TRIM42: variants seen among roughly 807,000 people sequenced by gnomAD.
The protein encoded by TRIM42 is tripartite motif-containing protein 42.
A neutral mutation model predicts 64.9 loss-of-function variants in TRIM42; 59 were observed. That is an observed-to-expected ratio of 0.91 (90% confidence interval 0.74 to 1.13). TRIM42 has a LOEUF of 1.13. Among genes scored for constraint, TRIM42 ranks in the 50% most tolerant of loss-of-function variants. TRIM42 has a pLI of 0.00. For synonymous variants in TRIM42, 354 were observed against 346.3 expected (o/e 1.02, Z -0.25); for missense variants, 878 against 929.5 (o/e 0.94, Z 0.72).
At chr3:140,682,312 T>C in intron 1 of TRIM42, 150 bp from the exon 2 acceptor site, 3 of 701,966 alleles carry the variant, frequency 4.3e-6, no homozygotes, top group Non-Finnish European at 4.7e-6. Flanking sequence ...TGGAGACAGA[T>C]TGAGAACGCA....
At position 140,700,121 on chromosome 3, in the gene TRIM42, T is replaced by C. The variant is rs555531606; in HGVS notation, c.2086-767T>C. Among the ~76,000 whole-genome samples, 3 of 152,234 alleles carry C rather than the reference T, an allele frequency of 2.0e-5. No homozygotes were observed. The South Asian group carries it at 6.2e-4, about 32-fold the overall frequency. ...TAAATATTTATTTGGGGGGAAGGAATGGGAATGCTGCCAGACCACAGTAGT... is the reference window on the plus strand; with the variant it reads ...TAAATATTTATTTGGGGGGAAGGAACGGGAATGCTGCCAGACCACAGTAGT... On this transcript the variant is annotated intron_variant, in intron 4 of 4. Transcript: ENST00000286349.
intron 3 of TRIM42, among the ~76,000 whole-genome samples, chr3:140,689,489 G>A (rs1988650697): frequency 6.6e-6 from 1 of 152,066 alleles, no homozygotes; most frequent in Non-Finnish European, 1.5e-5. Context: ...TATTTTAGTA[G>A]GTTTCAAAGG....
Position 140,687,876 on chromosome 3 carries a change from A to G in TRIM42, c.1194A>G (p.Ile398Met), listed in dbSNP as rs745358026. Residue 398 changes from isoleucine (I) to methionine (M), a missense_variant, in exon 3 of 5, where the codon ATA becomes ATG. Coordinates refer to ENST00000286349, the MANE Select transcript of TRIM42 (RefSeq NM_152616.5). ...QEKEKIIMEQ[I>M]ENLEVSRQKE... ...AAGAGAAGATCATCATGGAGCAGATAGAGAATCTAGAAGTGTCCAGGCAGA... is the reference window on the plus strand; with the variant it reads ...AAGAGAAGATCATCATGGAGCAGATGGAGAATCTAGAAGTGTCCAGGCAGA... 31 of 1,614,128 alleles carry G rather than the reference A, an allele frequency of 1.9e-5. No individual in the cohort carries two copies. In the East Asian group the frequency reaches 2.4e-4, roughly 13 times the overall value.
At chr3:140,691,738 T>C (rs966619681) in intron 4 of TRIM42, among the ~76,000 whole-genome samples, 7 of 152,194 alleles carry the variant, frequency 4.6e-5, no homozygotes, top group Non-Finnish European at 5.9e-5. Flanking sequence ...AGCAGGTCAG[T>C]GTGCCTTCCA....
intron 3 of TRIM42, among the ~76,000 whole-genome samples, chr3:140,688,785 A>T (rs562921353): frequency 6.6e-6 from 1 of 152,382 alleles, no homozygotes; most frequent in East Asian, 1.9e-4. Context: ...AATATATCTG[A>T]AAGCCCTACC....
intron 4 of TRIM42, among the ~76,000 whole-genome samples, chr3:140,695,526 C>T (rs575915632): frequency 6.6e-6 from 1 of 152,244 alleles, no homozygotes; most frequent in African/African-American, 2.4e-5. Context: ...CTCTCAAAGC[C>T]CTTCTCAGTC....
intron 1 of TRIM42, among the ~76,000 whole-genome samples, chr3:140,679,105 CTGTA>C (rs1988292997): frequency 6.6e-6 from 1 of 151,534 alleles, no homozygotes; most frequent in African/African-American, 2.4e-5. Context: ...GCTTTGTAAT[CTGTA>C]TGTGATATAA....
At chr3:140,678,672 T>C (rs1988275202) in intron 1 of TRIM42, 102 bp downstream of exon 1, 1 of 962,832 alleles carries the variant, frequency 1.0e-6, no homozygotes, top group Non-Finnish European at 1.5e-6. Flanking sequence ...GCCTCTGAGT[T>C]CATTTCTTTA....
At position 140,678,333 on chromosome 3, in the gene TRIM42, G is replaced by T. The variant is rs148678982; in HGVS notation, c.104G>T (p.Arg35Leu). ...TGCAAGTTCATCTTCACCTCAGAGC[G>T]GAACTGCACCTGCTTCCCCTGCCCT... ...LCCKFIFTSE[R>L]NCTCFPCPYK... Residue 35 changes from arginine (R) to leucine (L), a missense_variant, in exon 1 of 5, where the codon CGG becomes CTG. Physicochemically the swap from Arg to Leu is moderately radical, Grantham distance 102 (BLOSUM62 -2). Transcript: ENST00000286349. 5.0e-6 allele frequency: 8 copies of T among 1,614,058 alleles called. No individual in the cohort carries two copies. The African/African-American group carries it at 1.1e-4, about 22-fold the overall frequency.
At position 140,682,532 on chromosome 3, in the gene TRIM42, A is replaced by C; in HGVS notation, c.412A>C (p.Ser138Arg). The change falls in exon 2 of 5, where the codon AGT becomes CGT. Residue 138 changes from serine (S) to arginine (R), a missense_variant. Transcript: ENST00000286349. ...VDEVKSIPAN[S>R]HLVNHLNCPM... Reference sequence around the variant, plus strand: ...TGAAGTAAAGTCAATACCAGCCAACAGTCACCTGGTGAACCACCTCAATTG... The same window carrying C: ...TGAAGTAAAGTCAATACCAGCCAACCGTCACCTGGTGAACCACCTCAATTG... 1 of 1,614,240 alleles carries C rather than the reference A, an allele frequency of 6.2e-7. No homozygotes were observed. Among genetic ancestry groups the C allele is most frequent in the Non-Finnish European group, 8.5e-7 (1 of 1,180,044 alleles).
At chr3:140,679,640 A>G (rs553760316) in intron 1 of TRIM42, among the ~76,000 whole-genome samples, 1 of 152,294 alleles carries the variant, frequency 6.6e-6, no homozygotes, top group Admixed American at 6.5e-5. Context: ...ATAAATAGGA[A>G]ATCCAGGGAT....
chr3:140,692,524 T>TACACACACACACACACACACAC (rs1988744390), intron 4 of TRIM42, among the ~76,000 whole-genome samples: 1 of 51,764 alleles, frequency 1.9e-5, no homozygotes, highest in East Asian at 6.3e-4. Context: ...CACACACACA[T>TACACACACACACACACACACAC]ACACATACAC....
chr3:140,686,513 A>G (rs1284019645), intron 2 of TRIM42, among the ~76,000 whole-genome samples: 1 of 152,230 alleles, frequency 6.6e-6, no homozygotes, highest in African/African-American at 2.4e-5. Flanking sequence ...CACCATAGTC[A>G]TAGTGGTAAT....
At chr3:140,680,571 A>G in intron 1 of TRIM42, 2 of 548,936 alleles carry the variant, frequency 3.6e-6, no homozygotes, top group Non-Finnish European at 4.6e-6. Context: ...GCCTCTCTTT[A>G]TATTATACCT....
chr3:140,691,055 A>G lies in TRIM42; in HGVS notation c.1948A>G (p.Met650Val). 1 of 1,614,106 alleles carries G rather than the reference A, an allele frequency of 6.2e-7. No individual in the cohort carries two copies. Among genetic ancestry groups the G allele is most frequent in the Non-Finnish European group, 8.5e-7 (1 of 1,179,992 alleles). The part of the protein sequence containing the change: ...VITSPPNNVQ[M>V]ELCGQIRDIM... The stretch of plus-strand genomic sequence containing the variant: ...TACTTCTCCTCCTAACAACGTACAA[A>G]TGGAGCTCTGTGGACAAATTCGGGA... The change falls in exon 4 of 5, where the codon ATG (methionine) becomes GTG (valine). Residue 650 changes from methionine to valine, a missense_variant. Met to Val is a conservative substitution (Grantham distance 21, BLOSUM62 1). Coordinates refer to ENST00000286349, the MANE Select transcript of TRIM42 (RefSeq NM_152616.5).
At chr3:140,689,346 ACCCATGGCCTGCT>A (rs1046853830) in intron 3 of TRIM42, among the ~76,000 whole-genome samples, 1 of 152,144 alleles carries the variant, frequency 6.6e-6, no homozygotes, top group Non-Finnish European at 1.5e-5. Context: ...CCTACAGTCA[ACCCATGGCCTGCT>A]CCCATGTGGC....
At chr3:140,694,743 G>A (rs928381509) in intron 4 of TRIM42, among the ~76,000 whole-genome samples, 7 of 152,200 alleles carry the variant, frequency 4.6e-5, no homozygotes, top group Non-Finnish European at 8.8e-5. Context: ...GGGCCTGAGG[G>A]AGAATACATT....
In TRIM42 at chr3:140,700,927, T is replaced by A. The variant is rs1244689856; in HGVS notation, c.2125T>A (p.Trp709Arg). The A allele has an allele frequency of 6.2e-7, 1 of 1,614,098 alleles. No homozygotes were observed. The highest frequency in any genetic ancestry group is 8.5e-7 in the Non-Finnish European group (1 of 1,179,958). The change falls in exon 5 of 5, where the codon TGG becomes AGG. Residue 709 changes from tryptophan to arginine, a missense_variant. Transcript: ENST00000286349. ...PDGHGKNRAK[W>R]GLLKNIQSAL... ...TGGACATGGGAAGAACCGAGCTAAG[T>A]GGGGCCTGCTGAAGAATATCCAGTC...
chr3:140,691,893 C>G (rs927404031), intron 4 of TRIM42, among the ~76,000 whole-genome samples: 6 of 151,936 alleles, frequency 3.9e-5, no homozygotes, highest in African/African-American at 1.5e-4. Flanking sequence ...CTGCCTAGAG[C>G]TGCTATCTTA....
Sources: gnomAD v4.1 joint callset for allele counts (sites outside exome capture counted in the v4.1 genomes callset) on GRCh38, gnomAD v4.1.1 for gene constraint, MANE v1.5 for transcripts, NCBI Gene and HGNC (gene_info 2026-07-23, HGNC 2026-07-21) for gene names.